The following ATP1A4 variants were observed in gnomAD, a reference collection of about 807,000 sequenced individuals.
ATP1A4 encodes ATPase Na+/K+ transporting subunit alpha 4.
ATP1A4 carries 90 observed loss-of-function variants against 114.3 expected under a neutral mutation model. The ratio of observed to expected loss-of-function variants is 0.79; its 90% CI spans 0.66 to 0.94. The LOEUF (loss-of-function observed/expected upper bound fraction) is 0.94. Ranked by LOEUF, ATP1A4 falls within the 40% of genes least tolerant of loss-of-function variation. The pLI is 0.00. For synonymous variants in ATP1A4, 511 were observed against 494.1 expected, an observed-to-expected ratio of 1.03 and a Z score of -0.45; for missense variants, 1,222 against 1,313.6, an observed-to-expected ratio of 0.93 and a Z score of 1.08.
rs766409456 is a variant in ATP1A4 at position 160,186,623 on chromosome 1, G to A, written c.3062-48G>A. 2.5e-6 allele frequency: 4 copies of A among 1,594,854 alleles called. No homozygotes were observed. The East Asian group carries it at 9.1e-5, about 36-fold the overall frequency. On this transcript the variant is annotated intron_variant, in intron 21 of 21. Transcript: ENST00000368081. The stretch of plus-strand genomic sequence containing the variant: ...TCCCTTCTGCCTGTCTCCCCTGGAT[G>A]CCTCTAATTCCTTCTCCCAGTTCAC...
chr1:160,155,069 G>A lies in ATP1A4; in HGVS notation c.232G>A (p.Glu78Lys), dbSNP rs748470369. 1.2e-6 allele frequency: 2 copies of A among 1,613,926 alleles called. No homozygotes were observed. Among genetic ancestry groups the A allele is most frequent in the Admixed American group, 3.3e-5 (2 of 60,000 alleles). ...GGGCCATAGCCACCAAAGGGCAAAG[G>A]AAATCCTGACTCGAGGTGGACCCAA... ...TKGHSHQRAK[E>K]ILTRGGPNTV... is the part of the protein sequence containing the mutation. Residue 78 changes from glutamate (E) to lysine (K), a missense_variant, in exon 3 of 22, where the codon GAA (glutamate) becomes AAA (lysine). Glu to Lys is a moderately conservative substitution (Grantham distance 56, BLOSUM62 1). Transcript: ENST00000368081.
chr1:160,175,648 G>A (rs1390024605), intron 15 of ATP1A4, among the ~76,000 whole-genome samples: 1 of 151,950 alleles, frequency 6.6e-6, no homozygotes, highest in Non-Finnish European at 1.5e-5. Flanking sequence ...AGTCAGAGAC[G>A]GATGCAGCAA....
In ATP1A4 at chr1:160,169,561, T is replaced by C. The variant is rs1224209772; in HGVS notation, c.1492-1690T>C. 5 of 152,266 alleles carry C rather than the reference T, an allele frequency of 3.3e-5. 1 individual carries two copies. The highest frequency in any genetic ancestry group is 1.3e-4 in the Admixed American group (2 of 15,292). The allele number at this position is 152,266 out of a possible 1,614,324, so 9.4% of individuals were successfully genotyped here. A position where few individuals can be genotyped will look rare whatever the true frequency, so the allele number is the denominator to read the frequency against. ...ACTGAACAAACGAACAGAACAGTTG[T>C]AACCACGTTTTGTGCACTGGTTTCC... On this transcript the variant is annotated intron_variant, in intron 10 of 21. Transcript: ENST00000368081.
At chr1:160,171,850 A>C in intron 12 of ATP1A4, 93 bp downstream of exon 12, 1 of 1,230,492 alleles carries the variant, frequency 8.1e-7, no homozygotes, top group Middle Eastern at 2.1e-4. Flanking sequence ...TAATACCCTT[A>C]GTTTAATTGA....
At chr1:160,155,342 C>A in intron 3 of ATP1A4, 94 bp downstream of exon 3, 1 of 811,386 alleles carries the variant, frequency 1.2e-6, no homozygotes, top group Non-Finnish European at 2.0e-6. Flanking sequence ...AGTCCTCTGG[C>A]CCAAATCCCT....
intron 16 of ATP1A4, 49 bp downstream of exon 16, chr1:160,176,295 AGCTCCCT>A: frequency 1.2e-6 from 2 of 1,609,674 alleles, no homozygotes; most frequent in Non-Finnish European, 1.7e-6. Context: ...CTGCCTCCTA[AGCTCCCT>A]GCTTTCTGCC....
chr1:160,156,103 A>T lies in ATP1A4; in HGVS notation c.470A>T (p.Tyr157Phe), dbSNP rs1275659834. ...VVIVTGCFSY[Y>F]QEAKSSKIME... is the part of the protein sequence containing the mutation. Reference sequence around the variant, plus strand: ...ATCGTCACTGGCTGCTTCTCCTATTATCAGGAGGCCAAGAGCTCCAAGATC... The same window carrying T: ...ATCGTCACTGGCTGCTTCTCCTATTTTCAGGAGGCCAAGAGCTCCAAGATC... The change falls in exon 4 of 22, where the codon TAT becomes TTT. Residue 157 changes from tyrosine (Y) to phenylalanine (F), a missense_variant. By Grantham distance (22) the Tyr-to-Phe change is conservative. Coordinates refer to ENST00000368081, the MANE Select transcript of ATP1A4 (RefSeq NM_144699.4). 6.2e-7 allele frequency: 1 copy of T among 1,613,866 alleles called. No individual in the cohort carries two copies. Among genetic ancestry groups the T allele is most frequent in the Non-Finnish European group, 8.5e-7 (1 of 1,179,934 alleles).
Position 160,171,181 on chromosome 1 carries a change from T to G in ATP1A4, c.1492-70T>G, listed in dbSNP as rs563580866. 1.1e-4 allele frequency: 160 copies of G among 1,397,854 alleles called. No homozygotes were observed. In the South Asian group the frequency reaches 2.0e-3, roughly 17 times the overall value. The allele number at this position is 1,397,854 out of a possible 1,614,324, so 86.6% of individuals were successfully genotyped here. On this transcript the variant is annotated intron_variant, in intron 10 of 21. Transcript: ENST00000368081. Reference sequence around the variant, plus strand: ...ACACATTTTTTTACCTTTGAAACCTTCCCCTTCTTTTTGCCCCTGATCCTT... The same window carrying G: ...ACACATTTTTTTACCTTTGAAACCTGCCCCTTCTTTTTGCCCCTGATCCTT...
intron 12 of ATP1A4, 148 bp from the exon 13 acceptor site, chr1:160,173,432 GT>G: frequency 1.9e-5 from 21 of 1,104,334 alleles, no homozygotes; most frequent in Admixed American, 2.4e-5. Context: ...CAGTAGCATG[GT>G]TTTTGGTCTA....
chr1:160,154,845 T>C (rs549620729), intron 2 of ATP1A4, among the ~76,000 whole-genome samples, 200 bp from the exon 3 acceptor site: 2 of 152,168 alleles, frequency 1.3e-5, no homozygotes, highest in Non-Finnish European at 2.9e-5. Context: ...AACCTTCCTA[T>C]GTAAGCATGC....
At chr1:160,163,853 G>A (rs1000031088) in intron 6 of ATP1A4, among the ~76,000 whole-genome samples, 3 of 151,990 alleles carry the variant, frequency 2.0e-5, no homozygotes, top group African/African-American at 7.3e-5. Flanking sequence ...CCATCCTGTG[G>A]CTATCCAGGA....
chr1:160,161,199 T>C (rs1156592454), intron 6 of ATP1A4, among the ~76,000 whole-genome samples: 1 of 152,248 alleles, frequency 6.6e-6, no homozygotes, highest in African/African-American at 2.4e-5. Flanking sequence ...GCATTTACCC[T>C]AGATCAATTT....
At chr1:160,176,670 T>A in intron 17 of ATP1A4, 68 bp downstream of exon 17, 5 of 1,589,388 alleles carry the variant, frequency 3.1e-6, no homozygotes, top group Non-Finnish European at 4.3e-6. Flanking sequence ...ACGTGAGCCA[T>A]CTCAGTTTGG....
Position 160,159,409 on chromosome 1 carries a change from G to C in ATP1A4, c.661G>C (p.Val221Leu). The C allele has an allele frequency of 6.2e-7, 1 of 1,609,468 alleles. No homozygotes were observed. The highest frequency in any genetic ancestry group is 8.5e-7 in the Non-Finnish European group (1 of 1,178,608). The stretch of plus-strand genomic sequence containing the variant: ...CAACGCGTCCCCTCTCCCATCCCAG[G>C]TGGACAACTCATCCTTGACTGGGGA... ...LRLISAQGCK[V>L]DNSSLTGESE... Residue 221 changes from valine to leucine, a missense_variant and splice_region_variant, in exon 6 of 22, where the codon GTG becomes CTG. Transcript: ENST00000368081.
chr1:160,178,095 GCCTGTAATCC>G (rs1557807116), intron 18 of ATP1A4, among the ~76,000 whole-genome samples: 1 of 152,162 alleles, frequency 6.6e-6, no homozygotes, highest in Non-Finnish European at 1.5e-5. Flanking sequence ...AGTGGCTCAC[GCCTGTAATCC>G]CAGCACTTTG....
intron 3 of ATP1A4, among the ~76,000 whole-genome samples, chr1:160,155,480 AT>A (rs928870131): frequency 1.3e-5 from 2 of 152,184 alleles, no homozygotes; most frequent in African/African-American, 4.8e-5. Flanking sequence ...ATAAAATGTA[AT>A]TAAATGTACA....
Position 160,176,469 on chromosome 1 carries a change from C to CA in ATP1A4, c.2467-9dup. The CA allele has an allele frequency of 6.2e-7, 1 of 1,614,180 alleles. No homozygotes were observed. The highest frequency in any genetic ancestry group is 8.5e-7 in the Non-Finnish European group (1 of 1,180,006). ...TGTGACCCCTGTCATCCCCACCCTC[C>CA]ATCCTCCAGGTCCCTGCCATCTCCT... On this transcript the variant is annotated splice_polypyrimidine_tract_variant and intron_variant, in intron 16 of 21. Transcript: ENST00000368081.
In ATP1A4 at chr1:160,158,993, C is replaced by G; in HGVS notation, c.526-9C>G. ...GTTTTGGAAATGATCCTGCACTATC[C>G]TCTCATAGCAAGCTCTGGTAATTCG... On this transcript the variant is annotated splice_polypyrimidine_tract_variant and intron_variant, in intron 4 of 21. Transcript: ENST00000368081. 1 of 1,613,018 alleles carries G rather than the reference C, an allele frequency of 6.2e-7. No individual in the cohort carries two copies. Among genetic ancestry groups the G allele is most frequent in the South Asian group, 1.1e-5 (1 of 90,904 alleles).
Position 160,166,697 on chromosome 1 carries a change from A to T in ATP1A4, c.1217A>T (p.Tyr406Phe). ...CACATGTGGTTTGATATGACCGTGT[A>T]TGAGGCCGACACCACTGAAGAACAG... ...VAHMWFDMTV[Y>F]EADTTEEQTG... The change falls in exon 8 of 22, where the codon TAT becomes TTT. Residue 406 changes from tyrosine (Y) to phenylalanine (F), a missense_variant. Coordinates refer to ENST00000368081, the MANE Select transcript of ATP1A4 (RefSeq NM_144699.4). 6.2e-7 allele frequency: 1 copy of T among 1,614,170 alleles called. No individual in the cohort carries two copies. Among genetic ancestry groups the T allele is most frequent in the African/African-American group, 1.3e-5 (1 of 75,030 alleles).
Sources: gnomAD v4.1 joint callset for allele counts (sites outside exome capture counted in the v4.1 genomes callset) on GRCh38, gnomAD v4.1.1 for gene constraint, MANE v1.5 for transcripts, NCBI Gene and HGNC (gene_info 2026-07-23, HGNC 2026-07-21) for gene names.